The following AKAP13 variants were observed in gnomAD, a reference collection of about 807,000 sequenced individuals.
AKAP13 encodes the protein A-kinase anchoring protein 13, also known as A-kinase anchor protein 13.
In AKAP13, 80 loss-of-function variants were observed where a neutral mutation model predicts 264.5. The ratio of observed to expected loss-of-function variants is 0.30; its 90% CI spans 0.25 to 0.36. AKAP13 has a LOEUF of 0.36. Ranked by LOEUF, AKAP13 falls within the 10% of genes least tolerant of loss-of-function variation. AKAP13 has a pLI of 1.00. For missense variants in AKAP13, 3,712 were observed against 3,435.2 expected (o/e 1.08, Z -2.01); for synonymous variants, 1,380 against 1,250.2 (o/e 1.10, Z -2.19).
chr15:85,680,887 G>A (rs1214264609), intron 14 of AKAP13, among the ~76,000 whole-genome samples: 5 of 152,032 alleles, frequency 3.3e-5, no homozygotes, highest in African/African-American at 1.2e-4. Context: ...GCGCAATCTC[G>A]GCTCACTGCA....
chr15:85,451,648 T>C (rs2074093745), intron 1 of AKAP13, among the ~76,000 whole-genome samples: 1 of 152,264 alleles, frequency 6.6e-6, no homozygotes, highest in Non-Finnish European at 1.5e-5. Context: ...TTTGGCTGGA[T>C]ATGAAATTCT....
chr15:85,399,735 A>C (rs2071334794), intron 1 of AKAP13, among the ~76,000 whole-genome samples: 1 of 151,846 alleles, frequency 6.6e-6, no homozygotes, highest in Non-Finnish European at 1.5e-5. Context: ...CAGATGGAGG[A>C]AACTTTCAAA....
intron 5 of AKAP13, among the ~76,000 whole-genome samples, chr15:85,572,883 T>C (rs1353597960): frequency 6.6e-6 from 1 of 152,214 alleles, no homozygotes; most frequent in African/African-American, 2.4e-5. Flanking sequence ...TGTGTTCTTA[T>C]TGTTCAACTC....
chr15:85,606,656 TG>T, intron 8 of AKAP13, among the ~76,000 whole-genome samples: 2 of 152,290 alleles, frequency 1.3e-5, no homozygotes, highest in Middle Eastern at 3.4e-3. Flanking sequence ...GGAGGCATCA[TG>T]GGGGTGACTA....
intron 1 of AKAP13, among the ~76,000 whole-genome samples, chr15:85,466,521 A>G (rs529800754): frequency 2.8e-4 from 43 of 152,272 alleles, no homozygotes; most frequent in African/African-American, 9.9e-4. Flanking sequence ...ATCTTGAATT[A>G]ATTTTCGTAT....
chr15:85,473,147 G>A (rs2075022750), intron 1 of AKAP13, among the ~76,000 whole-genome samples: 1 of 152,170 alleles, frequency 6.6e-6, no homozygotes, highest in African/African-American at 2.4e-5. Flanking sequence ...AACTGTTACA[G>A]TCAAAAAGTA....
chr15:85,562,574 A>AAAAAAATAT (rs1351834745), intron 5 of AKAP13, among the ~76,000 whole-genome samples: 3 of 77,684 alleles, frequency 3.9e-5, no homozygotes, highest in African/African-American at 1.2e-4. Context: ...CAAAAAAAAA[A>AAAAAAATAT]ATATATATAT....
chr15:85,627,764 G>A, intron 8 of AKAP13: 1 of 152,342 alleles, frequency 6.6e-6, no homozygotes, highest in South Asian at 2.1e-4. Flanking sequence ...TTGTGACGTA[G>A]TGTGCACGTT....
chr15:85,398,977 TTA>T (rs1178469086), intron 1 of AKAP13, among the ~76,000 whole-genome samples: 6 of 152,204 alleles, frequency 3.9e-5, no homozygotes, highest in African/African-American at 1.2e-4. Context: ...CTCTATGCTA[TTA>T]TAAACATTGC....
chr15:85,639,481 G>A (rs762894854), intron 9 of AKAP13, 32 bp downstream of exon 9: 2 of 1,504,130 alleles, frequency 1.3e-6, no homozygotes, highest in Admixed American at 3.3e-5. Context: ...ATTTTCTGGA[G>A]CTGCAGCCCC....
chr15:85,462,801 G>A (rs1040900126), intron 1 of AKAP13, among the ~76,000 whole-genome samples: 3 of 151,750 alleles, frequency 2.0e-5, no homozygotes, highest in African/African-American at 7.3e-5. Context: ...GAGGCGGGCG[G>A]ATCACGAGGT....
intron 33 of AKAP13, among the ~76,000 whole-genome samples, chr15:85,737,585 T>G (rs1289771251): frequency 6.6e-6 from 1 of 152,210 alleles, no homozygotes; most frequent in Non-Finnish European, 1.5e-5. Flanking sequence ...TTGTTTTATA[T>G]TTGTTGCCAC....
At chr15:85,593,479 C>T (rs2079671995) in intron 8 of AKAP13, among the ~76,000 whole-genome samples, 1 of 151,812 alleles carries the variant, frequency 6.6e-6, no homozygotes, top group South Asian at 2.1e-4. Context: ...AGTGATCCTC[C>T]TGCCTTGGCC....
At chr15:85,439,871 G>C (rs189593862) in intron 1 of AKAP13, among the ~76,000 whole-genome samples, 2,016 of 148,998 alleles carry the variant, frequency 0.014, 55 homozygotes, top group African/African-American at 0.047. Flanking sequence ...CCTAATGCTA[G>C]ATGACGAGTT....
chr15:85,703,415 CT>C (rs1310986082), intron 17 of AKAP13, among the ~76,000 whole-genome samples: 1 of 152,176 alleles, frequency 6.6e-6, no homozygotes, highest in Non-Finnish European at 1.5e-5. Flanking sequence ...TGATTTGGCT[CT>C]TTTTTGTGGC....
chr15:85,668,892 G>T (rs577485377), intron 13 of AKAP13, among the ~76,000 whole-genome samples: 1 of 150,356 alleles, frequency 6.7e-6, no homozygotes, highest in East Asian at 2.0e-4. Flanking sequence ...GCAATGAGCC[G>T]AGATCATGCC....
rs551748747 is a variant in AKAP13, at chr15:85,741,330, G to A, written c.7893G>A (p.Gln2631=). ...QREEEVQQGQ[Q]DLEKEREELQ... Reference sequence around the variant, plus strand: ...AGGAGGAGGTGCAGCAGGGGCAGCAGGACCTGGAAAAGGAGCGGGAGGAGC... The same window carrying A: ...AGGAGGAGGTGCAGCAGGGGCAGCAAGACCTGGAAAAGGAGCGGGAGGAGC... Residue 2631 remains glutamine (Q), a synonymous_variant, in exon 35 of 37, where the codon CAG becomes CAA. Coordinates refer to ENST00000394518, the MANE Select transcript of AKAP13 (RefSeq NM_007200.5). 7 of 1,613,562 alleles carry A rather than the reference G, an allele frequency of 4.3e-6. No individual in the cohort carries two copies. The highest frequency in any genetic ancestry group is 5.9e-6 in the Non-Finnish European group (7 of 1,179,838).
chr15:85,473,361 A>G (rs778260227), intron 1 of AKAP13, among the ~76,000 whole-genome samples: 163 of 152,332 alleles, frequency 1.1e-3, no homozygotes, highest in Middle Eastern at 3.4e-3. Flanking sequence ...CGCAAACAAA[A>G]AGTATTTGAA....
At chr15:85,648,873 A>G (rs2082679143) in intron 10 of AKAP13, among the ~76,000 whole-genome samples, 1 of 152,182 alleles carries the variant, frequency 6.6e-6, no homozygotes, top group Non-Finnish European at 1.5e-5. Context: ...TACATTTTAT[A>G]CTAGACTGCT....
Sources: gnomAD v4.1 joint callset for allele counts (sites outside exome capture counted in the v4.1 genomes callset) on GRCh38, gnomAD v4.1.1 for gene constraint, MANE v1.5 for transcripts, NCBI Gene and HGNC (gene_info 2026-07-23, HGNC 2026-07-21) for gene names.